VPS53: variants seen among roughly 807,000 people sequenced by gnomAD.
The protein encoded by VPS53 is vacuolar protein sorting-associated protein 53 homolog.
Under a neutral mutation model 107.0 loss-of-function variants are expected in VPS53, and 70 were observed. The ratio of observed to expected loss-of-function variants is 0.65; its 90% CI spans 0.54 to 0.80. The LOEUF (loss-of-function observed/expected upper bound fraction) is 0.80. Ranked by LOEUF, VPS53 falls within the 30% of genes least tolerant of loss-of-function variation. The probability of loss-of-function intolerance (pLI) is 0.00; values close to 1 mark genes in which losing one functional copy is unlikely to be tolerated. For missense variants in VPS53, 917 were observed against 1,049.4 expected (o/e 0.87, Z 1.74); for synonymous variants, 409 against 393.3 (o/e 1.04, Z -0.47).
chr17:693,238 C>T (rs1972836144), intron 4 of VPS53, among the ~76,000 whole-genome samples: 1 of 152,220 alleles, frequency 6.6e-6, no homozygotes, highest in Non-Finnish European at 1.5e-5. Context: ...AGGAGTGATG[C>T]TGGCATACTG....
At chr17:597,629 G>A (rs191387912) in intron 12 of VPS53, among the ~76,000 whole-genome samples, 4 of 151,880 alleles carry the variant, frequency 2.6e-5, no homozygotes, top group African/African-American at 9.7e-5. Flanking sequence ...TGTAACCTCC[G>A]CCTCCCAAGT....
intron 2 of VPS53, among the ~76,000 whole-genome samples, chr17:706,862 A>G: frequency 6.6e-6 from 1 of 152,098 alleles, no homozygotes; most frequent in African/African-American, 2.4e-5. Context: ...AGGTCTCACC[A>G]TCTCTTTCCA....
chr17:591,357 G>GT (rs1305610953), intron 12 of VPS53, among the ~76,000 whole-genome samples: 2 of 145,832 alleles, frequency 1.4e-5, no homozygotes, highest in Non-Finnish European at 3.1e-5. Context: ...TTTTTGAAGG[G>GT]TTTTTTGTGT....
chr17:540,518 C>G (rs780060349), intron 17 of VPS53: 1 of 151,812 alleles, frequency 6.6e-6, no homozygotes, highest in Non-Finnish European at 1.5e-5. Flanking sequence ...AGAACTCTTT[C>G]AAAAAAGGAA....
chr17:688,388 T>A (rs1044575764), intron 4 of VPS53, among the ~76,000 whole-genome samples: 1 of 152,302 alleles, frequency 6.6e-6, no homozygotes, highest in East Asian at 1.9e-4. Flanking sequence ...TCCTGAGGCA[T>A]CCCCAGCCCT....
At chr17:687,978 G>A (rs918831650) in intron 4 of VPS53, among the ~76,000 whole-genome samples, 1 of 152,124 alleles carries the variant, frequency 6.6e-6, no homozygotes, top group Non-Finnish European at 1.5e-5. Flanking sequence ...AATCCTTAGA[G>A]AATTGAAATA....
At chr17:666,824 TAGG>T (rs1260725381) in intron 4 of VPS53, among the ~76,000 whole-genome samples, 4 of 150,622 alleles carry the variant, frequency 2.7e-5, no homozygotes, top group African/African-American at 9.8e-5. Context: ...GAGGCTGAGG[TAGG>T]AGAATTGCTT....
intron 5 of VPS53, chr17:656,988 T>C: frequency 2.2e-6 from 2 of 896,256 alleles, no homozygotes; most frequent in Non-Finnish European, 3.8e-6. Flanking sequence ...CCCGGGTACC[T>C]CTCTCTGTTG....
At chr17:707,496 G>T (rs1973454058) in intron 2 of VPS53, among the ~76,000 whole-genome samples, 1 of 150,564 alleles carries the variant, frequency 6.6e-6, no homozygotes. Flanking sequence ...CTCCAGCCTG[G>T]GGGACAAGAA....
At chr17:613,694 G>A (rs1280223483) in intron 11 of VPS53, among the ~76,000 whole-genome samples, 1 of 149,838 alleles carries the variant, frequency 6.7e-6, no homozygotes, top group African/African-American at 2.5e-5. Flanking sequence ...GTGAAAACCT[G>A]TACAAATATT....
intron 17 of VPS53, among the ~76,000 whole-genome samples, chr17:545,475 G>A (rs1266311962): frequency 6.6e-6 from 1 of 152,110 alleles, no homozygotes; most frequent in East Asian, 1.9e-4. Context: ...AAGGTTTCAG[G>A]GATTCTATGA....
intron 13 of VPS53, among the ~76,000 whole-genome samples, chr17:565,769 C>T (rs529713239): frequency 6.6e-6 from 1 of 152,114 alleles, no homozygotes; most frequent in Non-Finnish European, 1.5e-5. Flanking sequence ...GACGTCCTGG[C>T]CAAAACGCTC....
chr17:652,030 CCT>C lies in VPS53; in HGVS notation c.608+1259_608+1260del, dbSNP rs1299610069. 3.3e-5 allele frequency among the ~76,000 whole-genome samples: 5 copies of C among 151,118 alleles called. No individual in the cohort carries two copies. In the East Asian group the frequency reaches 9.7e-4, roughly 29 times the overall value. The stretch of plus-strand genomic sequence containing the variant: ...ATTTTTTTTTTTTTTTGAGTCTCAC[CCT>C]GTCGCCCAGGCTAGAGTACAATGGC... On this transcript the variant is annotated intron_variant, in intron 7 of 21. Coordinates refer to ENST00000437048, the MANE Select transcript of VPS53 (RefSeq NM_001128159.3).
At position 714,824 on chromosome 17, in the gene VPS53, C is replaced by CGTCAGCCGCTCT. The variant is rs1179896425; in HGVS notation, c.-127_-116dup. 4 of 1,174,240 alleles carry CGTCAGCCGCTCT rather than the reference C, an allele frequency of 3.4e-6. No homozygotes were observed. The highest frequency in any genetic ancestry group is 1.2e-6 in the Non-Finnish European group (1 of 800,690). 72.7% of individuals were successfully genotyped at this position (1,174,240 alleles called of 1,614,324 possible). ...GGCAGCGACCTGGTGAGCCCGGCTCCGTCAGCCGCTCTGTCAGCCGCTCCG... is the reference window on the plus strand; with the variant it reads ...GGCAGCGACCTGGTGAGCCCGGCTCCGTCAGCCGCTCTGTCAGCCGCTCTGTCAGCCGCTCCG... On this transcript the variant is annotated 5_prime_UTR_variant, in exon 1 of 22. Coordinates refer to ENST00000437048, the MANE Select transcript of VPS53 (RefSeq NM_001128159.3).
intron 19 of VPS53, among the ~76,000 whole-genome samples, chr17:531,194 C>T (rs1909509275): frequency 6.6e-6 from 1 of 152,206 alleles, no homozygotes; most frequent in African/African-American, 2.4e-5. Flanking sequence ...CCAGCCAAAC[C>T]TCAACTCATG....
intron 13 of VPS53, among the ~76,000 whole-genome samples, chr17:578,990 C>A (rs1230983229): frequency 6.7e-6 from 1 of 149,490 alleles, no homozygotes; most frequent in Non-Finnish European, 1.5e-5. Context: ...TCCCAGAGAA[C>A]CCCCAACAGA....
chr17:656,655 A>G, intron 5 of VPS53: 1 of 547,650 alleles, frequency 1.8e-6, no homozygotes, highest in Non-Finnish European at 3.2e-6. Context: ...ACTAACACCC[A>G]GGTGAAATCA....
At chr17:664,960 G>A (rs1597459621) in intron 4 of VPS53, among the ~76,000 whole-genome samples, 4 of 152,188 alleles carry the variant, frequency 2.6e-5, no homozygotes, top group Non-Finnish European at 4.4e-5. Context: ...AGGCAGGTGT[G>A]TGTGGTGGTG....
intron 11 of VPS53, among the ~76,000 whole-genome samples, chr17:622,943 TC>T (rs1969532153): frequency 6.6e-6 from 1 of 151,896 alleles, no homozygotes; most frequent in African/African-American, 2.4e-5. Context: ...TGCCTTGGCC[TC>T]CCAAAGTGCT....
Sources: gnomAD v4.1 joint callset for allele counts (sites outside exome capture counted in the v4.1 genomes callset) on GRCh38, gnomAD v4.1.1 for gene constraint, MANE v1.5 for transcripts, NCBI Gene and HGNC (gene_info 2026-07-23, HGNC 2026-07-21) for gene names.